Variants in CELSR2 observed in about 807,000 individuals in gnomAD.
CELSR2 encodes cadherin EGF LAG seven-pass G-type receptor 2.
Under a neutral mutation model 251.6 loss-of-function variants are expected in CELSR2, and 81 were observed. The ratio of observed to expected loss-of-function variants is 0.32; its 90% CI spans 0.27 to 0.39. The LOEUF is 0.39. Among genes scored for constraint, CELSR2 ranks in the 10% least tolerant of loss-of-function variants. The probability of loss-of-function intolerance (pLI) is 1.00; values close to 1 mark genes in which losing one functional copy is unlikely to be tolerated. For missense variants in CELSR2, 3,365 were observed against 3,947.7 expected (o/e 0.85, Z 3.96); for synonymous variants, 1,721 against 1,670.5 (o/e 1.03, Z -0.74).
chr1:109,259,901 C>T (rs890031720), intron 2 of CELSR2, among the ~76,000 whole-genome samples: 16 of 152,256 alleles, frequency 1.1e-4, no homozygotes, highest in Admixed American at 5.2e-4. Flanking sequence ...CCTGACCCCT[C>T]CCTTCAGGCT....
chr1:109,274,088 T>A lies in CELSR2; in HGVS notation c.*39T>A. 2 of 1,613,890 alleles carry A rather than the reference T, an allele frequency of 1.2e-6. No individual in the cohort carries two copies. The highest frequency in any genetic ancestry group is 1.1e-5 in the South Asian group (1 of 91,072). On this transcript the variant is annotated 3_prime_UTR_variant, in exon 34 of 34. Coordinates refer to ENST00000271332, the MANE Select transcript of CELSR2 (RefSeq NM_001408.3). ...TTCCTACGCCCGAGGCTCCCTTCCC[T>A]TCCCCAGCCGCACTCATGCCCTGCT...
At chr1:109,264,805 T>C in intron 11 of CELSR2, 63 bp from the exon 12 acceptor site, 1 of 1,611,670 alleles carries the variant, frequency 6.2e-7, no homozygotes. Flanking sequence ...GATGAAGGGT[T>C]TGATGGAAGA....
intron 1 of CELSR2, among the ~76,000 whole-genome samples, chr1:109,257,141 G>A (rs1170199002): frequency 2.0e-5 from 3 of 152,076 alleles, no homozygotes; most frequent in Admixed American, 2.0e-4. Flanking sequence ...ATCACTTGAG[G>A]CCAGGAATTT....
rs1057374490 is a variant in CELSR2, at chr1:109,270,533, C to T, written c.7416C>T (p.Arg2472=). The T allele has an allele frequency of 5.6e-6, 9 of 1,614,054 alleles. No homozygotes were observed. The highest frequency in any genetic ancestry group is 4.0e-5 in the African/African-American group (3 of 74,922). Reference sequence around the variant, plus strand: ...TGTACCGGGCACTCACTGAGGTGCGCGATGTCAACACCGGCCCCATGCGCT... The same window carrying T: ...TGTACCGGGCACTCACTGAGGTGCGTGATGTCAACACCGGCCCCATGCGCT... ...LHLYRALTEV[R]DVNTGPMRFY... The change falls in exon 24 of 34, where the codon CGC becomes CGT. Residue 2472 remains arginine, a synonymous_variant. Transcript: ENST00000271332.
At chr1:109,263,877 G>T in intron 9 of CELSR2, 100 bp downstream of exon 9, 1 of 1,475,896 alleles carries the variant, frequency 6.8e-7, no homozygotes, top group Admixed American at 2.2e-5. Context: ...GGGCAGGGGT[G>T]GGGACATATA....
Position 109,272,870 on chromosome 1 carries a change from AGAC to A in CELSR2, c.8185_8187del (p.Asp2729del), listed in dbSNP as rs761927695. The A allele has an allele frequency of 6.2e-7, 1 of 1,613,848 alleles. No homozygotes were observed. ...ACTCCGACAGTGACCTGTCCTTAGAAGACGACCAGAGTGGCTCCTATGCCTCTA... is the reference window on the plus strand; with the variant it reads ...ACTCCGACAGTGACCTGTCCTTAGAAGACCAGAGTGGCTCCTATGCCTCTA... On this transcript the variant is annotated inframe_deletion, in exon 31 of 34. Coordinates refer to ENST00000271332, the MANE Select transcript of CELSR2 (RefSeq NM_001408.3).
chr1:109,267,897 C>T lies in CELSR2; in HGVS notation c.6155C>T (p.Ser2052Phe). The T allele has an allele frequency of 1.9e-6, 3 of 1,610,196 alleles. No individual in the cohort carries two copies. The highest frequency in any genetic ancestry group is 2.5e-6 in the Non-Finnish European group (3 of 1,179,232). ...RNESGLDSGR[S>F]QQLALLLRNA... ...GAGTCAGGCCTAGACTCAGGGCGCT[C>T]CCAGCAGCTAGCCCTGCTCCTGCGC... Residue 2052 changes from serine to phenylalanine, a missense_variant, in exon 17 of 34, where the codon TCC (serine) becomes TTC (phenylalanine). Ser to Phe is a radical substitution (Grantham distance 155, BLOSUM62 -2). Around this residue, in one of 5 missense-constraint regions of CELSR2, gnomAD observed 2,093 missense variants for 2,382.8 expected, o/e 0.88. Transcript: ENST00000271332.
At chr1:109,270,638 C>T (rs1350630129) in intron 24 of CELSR2, 38 bp downstream of exon 24, 3 of 1,600,714 alleles carry the variant, frequency 1.9e-6, no homozygotes, top group Admixed American at 1.7e-5. Context: ...GTCCCACATC[C>T]CTGGGTCCAC....
Position 109,268,944 on chromosome 1 carries a change from C to T in CELSR2, c.6567C>T (p.Ala2189=). The T allele has an allele frequency of 6.2e-7, 1 of 1,613,560 alleles. No homozygotes were observed. Among genetic ancestry groups the T allele is most frequent in the Non-Finnish European group, 8.5e-7 (1 of 1,179,652 alleles). ...FAGAKLPRYE[A]LRGEQPPDLE... ...GGGCCAAGCTGCCCCGCTACGAGGC[C>T]CTGCGTGGGGAGCAGCCCCCGGACC... The change falls in exon 19 of 34, where the codon GCC becomes GCT. Residue 2189 remains alanine (A), a synonymous_variant. Coordinates refer to ENST00000271332, the MANE Select transcript of CELSR2 (RefSeq NM_001408.3).
Position 109,267,642 on chromosome 1 carries a change from C to T in CELSR2, c.6108C>T (p.Phe2036=), listed in dbSNP as rs751395951. The T allele has an allele frequency of 5.6e-6, 9 of 1,614,128 alleles. No individual in the cohort carries two copies. The highest frequency in any genetic ancestry group is 1.3e-5 in the African/African-American group (1 of 75,050). Residue 2036 remains phenylalanine, a splice_region_variant and synonymous_variant, in exon 16 of 34, where the codon TTC becomes TTT. Transcript: ENST00000271332. ...TSITFSELKG[F]AERLQRNESG... Reference sequence around the variant, plus strand: ...TCACCTTCTCAGAACTGAAGGGCTTCGTAAGTGAACCCCCTCATCTCCATC... The same window carrying T: ...TCACCTTCTCAGAACTGAAGGGCTTTGTAAGTGAACCCCCTCATCTCCATC...
intron 8 of CELSR2, 54 bp downstream of exon 8, chr1:109,263,321 A>G: frequency 6.5e-7 from 1 of 1,535,564 alleles, no homozygotes; most frequent in Non-Finnish European, 8.8e-7. Flanking sequence ...ACAGTCTGGG[A>G]ACTGGCAGGG....
rs769187987 is a variant in CELSR2 at position 109,261,833 on chromosome 1, A to C, written c.4323A>C (p.Pro1441=). The change falls in exon 5 of 34, where the codon CCA becomes CCC. Residue 1441 remains proline (P), a synonymous_variant. Transcript: ENST00000271332. The surrounding 1 kb of genome is among the most constrained non-coding windows in gnomAD (Gnocchi z 4.8). ...GGGAGTCAACCACCACGGTGTCCCC[A>C]TTCGTGCCCGGAGGAGTCAGTGATG... ...SAGESTTTVS[P]FVPGGVSDGQ... is the part of the protein sequence containing the mutation. 5 of 1,595,162 alleles carry C rather than the reference A, an allele frequency of 3.1e-6. No homozygotes were observed. Among genetic ancestry groups the C allele is most frequent in the Non-Finnish European group, 4.3e-6 (5 of 1,169,468 alleles).
At chr1:109,256,556 C>T (rs1319186860) in intron 1 of CELSR2, among the ~76,000 whole-genome samples, 2 of 152,108 alleles carry the variant, frequency 1.3e-5, no homozygotes, top group Non-Finnish European at 2.9e-5. Flanking sequence ...CTACTCCCAC[C>T]CCACCCCAGA....
Position 109,258,516 on chromosome 1 carries a change from G to C in CELSR2, c.3395G>C (p.Arg1132Pro). The C allele has an allele frequency of 6.2e-7, 1 of 1,602,922 alleles. No individual in the cohort carries two copies. The highest frequency in any genetic ancestry group is 8.5e-7 in the Non-Finnish European group (1 of 1,175,064). Residue 1132 changes from arginine to proline, a missense_variant, in exon 2 of 34, where the codon CGC becomes CCC. Physicochemically the swap from Arg to Pro is moderately radical, Grantham distance 103. Transcript: ENST00000271332. ...DEMLTHSITLRLEDMSPERFL... is the reference protein window; with the variant it reads ...DEMLTHSITLPLEDMSPERFL... ...ATGCTCACCCACAGCATCACGCTGC[G>C]CCTGGAGGACATGTCACCCGAGCGC...
chr1:109,274,138 C>G lies in CELSR2; in HGVS notation c.*89C>G. Reference sequence around the variant, plus strand: ...TCCTGTCTTGTGCTTTATCCTGCCCCGCTCCCCATCGCCTGCCCGCAGCAG... The same window carrying G: ...TCCTGTCTTGTGCTTTATCCTGCCCGGCTCCCCATCGCCTGCCCGCAGCAG... On this transcript the variant is annotated 3_prime_UTR_variant, in exon 34 of 34. Transcript: ENST00000271332. 1.9e-6 allele frequency: 3 copies of G among 1,608,308 alleles called. No individual in the cohort carries two copies. The highest frequency in any genetic ancestry group is 4.5e-5 in the East Asian group (2 of 44,784).
At position 109,260,937 on chromosome 1, in the gene CELSR2, C is replaced by T. The variant is rs1043824956; in HGVS notation, c.3959-105C>T. The T allele has an allele frequency of 8.7e-6, 7 of 807,872 alleles. No individual in the cohort carries two copies. In the Admixed American group the frequency reaches 1.2e-4, roughly 14 times the overall value. The allele number at this position is 807,872 out of a possible 1,614,324, so 50.0% of individuals were successfully genotyped here. On this transcript the variant is annotated intron_variant, in intron 2 of 33. Transcript: ENST00000271332. The stretch of plus-strand genomic sequence containing the variant: ...TGCCTGGGAGGTTTGGGGAGTATTA[C>T]GAGGGTCACGGGAGGCCATGGGAGC...
At position 109,267,592 on chromosome 1, in the gene CELSR2, C is replaced by G. The variant is rs186529449; in HGVS notation, c.6058C>G (p.Pro2020Ala). Reference protein sequence around the residue: ...HCDEHRGWLPPNLFNCTSITF... With the variant: ...HCDEHRGWLPANLFNCTSITF... ...TGATGAGCACAGGGGGTGGCTCCCC[C>G]CAAACCTCTTCAACTGCACGTCCAT... is the stretch of plus-strand genomic sequence containing the variant. Residue 2020 changes from proline to alanine, a missense_variant, in exon 16 of 34, where the codon CCA (proline) becomes GCA (alanine). By Grantham distance (27) the Pro-to-Ala change is conservative. This residue lies in a region of CELSR2 where 2,093 missense variants were observed against 2,382.8 expected (regional missense o/e 0.88). Coordinates refer to ENST00000271332, the MANE Select transcript of CELSR2 (RefSeq NM_001408.3). 1.3e-4 allele frequency: 206 copies of G among 1,614,160 alleles called. No individual in the cohort carries two copies. Among genetic ancestry groups the G allele is most frequent in the Admixed American group, 5.0e-4 (30 of 60,028 alleles).
intron 1 of CELSR2, among the ~76,000 whole-genome samples, chr1:109,257,596 G>T (rs634495): frequency 6.6e-6 from 1 of 152,034 alleles, no homozygotes; most frequent in Non-Finnish European, 1.5e-5. Flanking sequence ...GGGTGTAATG[G>T]TTGAGCCAAG....
chr1:109,265,974 C>T, intron 14 of CELSR2, 56 bp downstream of exon 14: 2 of 1,585,910 alleles, frequency 1.3e-6, no homozygotes, highest in Middle Eastern at 1.7e-4. Context: ...GGCACCTGCA[C>T]CCCAGGAAAG....
Sources: allele counts gnomAD v4.1 joint callset (sites outside exome capture counted in the v4.1 genomes callset), GRCh38; gene constraint gnomAD v4.1.1; regional missense constraint gnomAD v4.1.1; non-coding constraint Gnocchi (gnomAD v3.1); transcripts MANE v1.5; gene names NCBI Gene and HGNC (gene_info 2026-07-23, HGNC 2026-07-21).